Variants in UTRN observed in about 807,000 individuals in gnomAD.
UTRN encodes the protein dystrophin-related protein 1.
UTRN carries 283 observed loss-of-function variants against 463.9 expected under a neutral mutation model. The observed-to-expected ratio is 0.61, with a 90% CI of 0.55 to 0.67. The LOEUF (loss-of-function observed/expected upper bound fraction) is 0.67, where lower values mean the gene tolerates loss of function less well. Among genes scored for constraint, UTRN ranks in the 30% least tolerant of loss-of-function variants. The pLI is 0.00. For synonymous variants in UTRN, 1,442 were observed against 1,431.5 expected, an observed-to-expected ratio of 1.01 and a Z score of -0.17; for missense variants, 3,922 against 4,084.3, an observed-to-expected ratio of 0.96 and a Z score of 1.08.
chr6:144,499,345 C>G lies in UTRN; in HGVS notation c.4682C>G (p.Ser1561Cys), dbSNP rs35042870. The G allele has an allele frequency of 5.0e-3, 8,083 of 1,613,880 alleles. 57 individuals carry two copies. The highest frequency in any genetic ancestry group is 0.014 in the Middle Eastern group (82 of 6,056). Reference protein sequence around the residue: ...KEAASLSEWLSATETELVQKS... With the variant: ...KEAASLSEWLCATETELVQKS... ...GCTGCTTCTCTCTCTGAATGGCTTTCTGCTACTGAAACTGAATTGGTACAG... is the reference window on the plus strand; with the variant it reads ...GCTGCTTCTCTCTCTGAATGGCTTTGTGCTACTGAAACTGAATTGGTACAG... Residue 1561 changes from serine (S) to cysteine (C), a missense_variant, in exon 34 of 75, where the codon TCT (serine) becomes TGT (cysteine). By Grantham distance (112) the Ser-to-Cys change is moderately radical (BLOSUM62 -1). Coordinates refer to ENST00000367545, the MANE Select transcript of UTRN (RefSeq NM_007124.3).
intron 54 of UTRN, among the ~76,000 whole-genome samples, chr6:144,744,385 ATTATGTATAATATATACATAATTTTAC>A (rs1407728901): frequency 0.011 from 1,597 of 145,038 alleles, 10 homozygotes; most frequent in Non-Finnish European, 0.017. Context: ...ATATATAAAA[ATTATGTATAATATATACATAATTTTAC>A]TTATGTATAA....
In UTRN at chr6:144,437,361, C is replaced by T. The variant is rs1421808943; in HGVS notation, c.1060-204C>T. Among the ~76,000 whole-genome samples, 4 of 152,152 alleles carry T rather than the reference C, an allele frequency of 2.6e-5. No homozygotes were observed. The South Asian group carries it at 8.3e-4, about 31-fold the overall frequency. On this transcript the variant is annotated intron_variant, in intron 10 of 74. Coordinates refer to ENST00000367545, the MANE Select transcript of UTRN (RefSeq NM_007124.3). The stretch of plus-strand genomic sequence containing the variant: ...CAGATGCATCATTGCTTGCTTTGAG[C>T]TATTTCTCTTTTAACTTATGGCAGG...
chr6:144,700,286 G>T (rs1225972692), intron 53 of UTRN, 43 bp downstream of exon 53: 1 of 1,545,390 alleles, frequency 6.5e-7, no homozygotes, highest in South Asian at 1.3e-5. Flanking sequence ...TCAAATTCTA[G>T]TGAGGTAGAT....
chr6:144,513,443 G>A (rs1795347986), intron 35 of UTRN, among the ~76,000 whole-genome samples: 1 of 151,998 alleles, frequency 6.6e-6, no homozygotes, highest in African/African-American at 2.4e-5. Flanking sequence ...CCAGCTACTC[G>A]GGAGACTGAG....
At chr6:144,497,364 T>A (rs1340625550) in intron 33 of UTRN, among the ~76,000 whole-genome samples, 3 of 151,904 alleles carry the variant, frequency 2.0e-5, no homozygotes, top group African/African-American at 7.3e-5. Flanking sequence ...GGTGTGGCCA[T>A]TGAGATGGGT....
chr6:144,378,483 G>C (rs1780645909), intron 2 of UTRN, among the ~76,000 whole-genome samples: 1 of 152,212 alleles, frequency 6.6e-6, no homozygotes, highest in African/African-American at 2.4e-5. Flanking sequence ...GAGTCGTCCA[G>C]AAGTCCGCTC....
chr6:144,733,247 G>A (rs1227908467), intron 54 of UTRN, among the ~76,000 whole-genome samples: 2 of 152,078 alleles, frequency 1.3e-5, no homozygotes, highest in Non-Finnish European at 1.5e-5. Flanking sequence ...GGCCGGACGC[G>A]GTGGCTTACA....
chr6:144,369,683 G>A (rs1442674358), intron 2 of UTRN, among the ~76,000 whole-genome samples: 2 of 152,180 alleles, frequency 1.3e-5, no homozygotes, highest in African/African-American at 4.8e-5. Flanking sequence ...ATATGGTTTG[G>A]TTGTGTCCCC....
chr6:144,446,996 TG>T (rs1011063172), intron 14 of UTRN, among the ~76,000 whole-genome samples: 1 of 152,264 alleles, frequency 6.6e-6, no homozygotes, highest in Non-Finnish European at 1.5e-5. Context: ...GGCTAATGTC[TG>T]ATTGTTCTGT....
intron 9 of UTRN, among the ~76,000 whole-genome samples, chr6:144,433,672 G>C (rs1172566927): frequency 6.7e-6 from 1 of 148,384 alleles, no homozygotes; most frequent in Non-Finnish European, 1.5e-5. Context: ...ACGGGGTCGC[G>C]GCCGGGCAGA....
intron 9 of UTRN, among the ~76,000 whole-genome samples, chr6:144,434,074 A>T (rs1029193252): frequency 3.3e-5 from 5 of 152,172 alleles, no homozygotes; most frequent in Non-Finnish European, 7.4e-5. Flanking sequence ...AGTGAACTAG[A>T]CTCCGTCTGC....
At chr6:144,646,737 G>A (rs2056745) in intron 51 of UTRN, among the ~76,000 whole-genome samples, 1 of 151,958 alleles carries the variant, frequency 6.6e-6, no homozygotes, top group African/African-American at 2.4e-5. Context: ...CAAAAGATCT[G>A]CTACATTACA....
intron 51 of UTRN, 62 bp downstream of exon 51, chr6:144,577,350 C>A: frequency 6.5e-7 from 1 of 1,534,740 alleles, no homozygotes; most frequent in Non-Finnish European, 8.9e-7. Flanking sequence ...GATCCCTCTG[C>A]ATGCAAATGT....
chr6:144,612,117 A>G (rs1448559398), intron 51 of UTRN, among the ~76,000 whole-genome samples: 1 of 152,154 alleles, frequency 6.6e-6, no homozygotes, highest in African/African-American at 2.4e-5. Context: ...GGAACACACA[A>G]TGGGTAAAGG....
chr6:144,693,700 T>C (rs2128693855), intron 52 of UTRN, among the ~76,000 whole-genome samples: 1 of 152,312 alleles, frequency 6.6e-6, no homozygotes, highest in Non-Finnish European at 1.5e-5. Flanking sequence ...TTGACTGTTG[T>C]TGATGTGTAG....
intron 50 of UTRN, among the ~76,000 whole-genome samples, chr6:144,573,984 G>GT (rs1801192836): frequency 6.6e-6 from 1 of 152,200 alleles, no homozygotes; most frequent in South Asian, 2.1e-4. Flanking sequence ...ACTGAACTGG[G>GT]ATGGAATATT....
At chr6:144,737,831 T>G (rs62427225) in intron 54 of UTRN, among the ~76,000 whole-genome samples, 1 of 54,496 alleles carries the variant, frequency 1.8e-5, no homozygotes, top group African/African-American at 2.7e-4. Context: ...ATTGAACTGT[T>G]TTTTTTTTTT....
At chr6:144,598,251 G>C (rs1212949349) in intron 51 of UTRN, among the ~76,000 whole-genome samples, 1 of 152,200 alleles carries the variant, frequency 6.6e-6, no homozygotes, top group East Asian at 1.9e-4. Context: ...ATACGTGTAA[G>C]ATGTACATTG....
chr6:144,716,729 T>G (rs1306058033), intron 53 of UTRN, among the ~76,000 whole-genome samples: 1 of 152,312 alleles, frequency 6.6e-6, no homozygotes, highest in African/African-American at 2.4e-5. Flanking sequence ...TTTTGCATAT[T>G]TACCTTTTGC....
Sources: allele counts gnomAD v4.1 joint callset (sites outside exome capture counted in the v4.1 genomes callset), GRCh38; gene constraint gnomAD v4.1.1; transcripts MANE v1.5; gene names NCBI Gene and HGNC (gene_info 2026-07-23, HGNC 2026-07-21).